The following MLIP variants were observed in gnomAD, a reference collection of about 807,000 sequenced individuals.
MLIP encodes muscular LMNA interacting protein.
Under a neutral mutation model 84.8 loss-of-function variants are expected in MLIP, and 79 were observed. The observed-to-expected ratio is 0.93, with a 90% CI of 0.78 to 1.12. MLIP has a LOEUF of 1.12. MLIP is among the 50% of genes most tolerant of loss of function. The pLI is 0.00. For synonymous variants in MLIP, 504 were observed against 463.0 expected (o/e 1.09, Z -1.14); for missense variants, 1,257 against 1,160.6 (o/e 1.08, Z -1.21).
At chr6:54,221,796 C>A (rs941468527) in intron 11 of MLIP, among the ~76,000 whole-genome samples, 2 of 151,790 alleles carry the variant, frequency 1.3e-5, no homozygotes, top group Non-Finnish European at 2.9e-5. Context: ...GCAAACAAAA[C>A]AAAATATTAC....
At chr6:54,178,650 A>C (rs1431105382) in intron 9 of MLIP, among the ~76,000 whole-genome samples, 1 of 151,900 alleles carries the variant, frequency 6.6e-6, no homozygotes, top group Non-Finnish European at 1.5e-5. Context: ...TCATTGACCC[A>C]CTGGTCATTC....
intron 1 of MLIP, among the ~76,000 whole-genome samples, chr6:54,086,878 C>A (rs963149319): frequency 6.6e-5 from 10 of 152,172 alleles, no homozygotes; most frequent in African/African-American, 2.4e-4. Context: ...CTCTGTCCAA[C>A]CTATTGAAAT....
At chr6:54,128,029 G>C in intron 3 of MLIP, among the ~76,000 whole-genome samples, 1 of 152,168 alleles carries the variant, frequency 6.6e-6, no homozygotes, top group Non-Finnish European at 1.5e-5. Flanking sequence ...GGAATAGACA[G>C]AGAGCCTGAT....
At chr6:54,042,495 T>G (rs567650745) in intron 1 of MLIP, among the ~76,000 whole-genome samples, 1 of 152,316 alleles carries the variant, frequency 6.6e-6, no homozygotes, top group African/African-American at 2.4e-5. Context: ...AACATATTTT[T>G]TTAAAGTCAT....
At chr6:54,202,281 ATATATAAAAT>A in intron 11 of MLIP, 48 bp downstream of exon 11, 1 of 818,734 alleles carries the variant, frequency 1.2e-6, no homozygotes, top group African/African-American at 3.0e-5. Flanking sequence ...AAATATAAAT[ATATATAAAAT>A]ATATATAAAT....
chr6:54,034,631 T>C (rs1764324052), intron 1 of MLIP, among the ~76,000 whole-genome samples: 2 of 152,188 alleles, frequency 1.3e-5, no homozygotes, highest in South Asian at 4.1e-4. Flanking sequence ...CTGTACAATG[T>C]ATCTGTTTTA....
chr6:54,124,487 C>T lies in MLIP; in HGVS notation c.267C>T (p.Asp89=), dbSNP rs774178021. The T allele has an allele frequency of 6.8e-6, 11 of 1,613,462 alleles. No homozygotes were observed. In the Admixed American group the frequency reaches 8.3e-5, roughly 12 times the overall value. Residue 89 remains aspartate (D), a synonymous_variant, in exon 3 of 14, where the codon GAC becomes GAT. Coordinates refer to ENST00000502396, the MANE Select transcript of MLIP (RefSeq NM_001281747.2). ...PETVNRSKSN[D]YLTLNAGSQQ... ...ATCTATTACAGTCTAAATCCAATGA[C>T]TACTTGACCTTGAATGCTGGGAGCC...
At position 54,204,392 on chromosome 6, in the gene MLIP, T is replaced by C. The variant is rs1464262414; in HGVS notation, c.2718+2159T>C. Among the ~76,000 whole-genome samples the C allele has an allele frequency of 2.6e-5, 4 of 152,310 alleles. No homozygotes were observed. The East Asian group carries it at 7.7e-4, about 29-fold the overall frequency. ...ACTAATATTTTAGTGGCTTTTAGTA[T>C]GAAGTTTTAGACAGTATGGGATAAT... On this transcript the variant is annotated intron_variant, in intron 11 of 13. Transcript: ENST00000502396.
intron 1 of MLIP, among the ~76,000 whole-genome samples, chr6:54,061,208 T>A (rs926974528): frequency 8.5e-5 from 13 of 152,084 alleles, no homozygotes; most frequent in Admixed American, 7.2e-4. Context: ...CTCATCATAT[T>A]AGTAGAAACA....
intron 5 of MLIP, among the ~76,000 whole-genome samples, chr6:54,152,240 A>T (rs987209749): frequency 6.6e-6 from 1 of 152,178 alleles, no homozygotes; most frequent in Non-Finnish European, 1.5e-5. Flanking sequence ...AAGTAATCAG[A>T]TTACATTGTG....
chr6:54,180,967 C>T (rs1420310642), intron 9 of MLIP, among the ~76,000 whole-genome samples: 2 of 152,024 alleles, frequency 1.3e-5, no homozygotes, highest in Admixed American at 6.6e-5. Context: ...TCTGGGCTTG[C>T]TTATGCCTGT....
chr6:54,160,290 G>T, intron 5 of MLIP, 77 bp from the exon 6 acceptor site: 1 of 1,137,720 alleles, frequency 8.8e-7, no homozygotes, highest in South Asian at 1.3e-5. Context: ...TACATACAAG[G>T]CTTTCTTTGA....
At chr6:54,019,555 G>A (rs1455927627) in intron 1 of MLIP, among the ~76,000 whole-genome samples, 5 of 152,132 alleles carry the variant, frequency 3.3e-5, no homozygotes, top group African/African-American at 7.2e-5. Context: ...TGCCATAGAA[G>A]TTATACAAGT....
At chr6:54,117,031 G>A (rs1383590160) in intron 1 of MLIP, among the ~76,000 whole-genome samples, 1 of 152,070 alleles carries the variant, frequency 6.6e-6, no homozygotes, top group Non-Finnish European at 1.5e-5. Flanking sequence ...AAAAGCATTT[G>A]ACAAAATTTA....
intron 8 of MLIP, among the ~76,000 whole-genome samples, chr6:54,167,621 T>A (rs573611386): frequency 5.3e-5 from 8 of 152,008 alleles, no homozygotes; most frequent in African/African-American, 1.9e-4. Context: ...TGTATCTGAA[T>A]CTGATTGTAT....
At chr6:54,149,153 AT>A (rs1446417768) in intron 5 of MLIP, 26 bp downstream of exon 5, 1 of 1,575,472 alleles carries the variant, frequency 6.3e-7, no homozygotes, top group African/African-American at 1.4e-5. Context: ...AAAACAGTGA[AT>A]TTTACATTTT....
chr6:54,252,621 T>C (rs1301887162), intron 12 of MLIP, among the ~76,000 whole-genome samples: 1 of 150,756 alleles, frequency 6.6e-6, no homozygotes, highest in African/African-American at 2.4e-5. Context: ...AGGTAACCTC[T>C]GACCTCTGGC....
intron 1 of MLIP, among the ~76,000 whole-genome samples, chr6:54,022,480 A>G (rs1242878715): frequency 6.6e-6 from 1 of 152,202 alleles, no homozygotes; most frequent in African/African-American, 2.4e-5. Context: ...AGATACATTC[A>G]AGCTGGGTAT....
At chr6:54,107,837 A>G (rs1769128263), upstream of MLIP, among the ~76,000 whole-genome samples, 1 of 152,144 alleles carries the variant, frequency 6.6e-6, no homozygotes, top group South Asian at 2.1e-4. Context: ...AATAAATGGG[A>G]CTTCTGGTAC....
Sources: gnomAD v4.1 joint callset for allele counts (sites outside exome capture counted in the v4.1 genomes callset) on GRCh38, gnomAD v4.1.1 for gene constraint, MANE v1.5 for transcripts, NCBI Gene and HGNC (gene_info 2026-07-23, HGNC 2026-07-21) for gene names.